The following EPHA4 variants were observed in gnomAD, a reference collection of about 807,000 sequenced individuals.
The protein encoded by EPHA4 is ephrin type-A receptor 4.
EPHA4 carries 19 observed loss-of-function variants against 108.3 expected under a neutral mutation model. The ratio of observed to expected loss-of-function variants is 0.18; its 90% confidence interval spans 0.12 to 0.26. EPHA4 has a LOEUF of 0.26. Ranked by LOEUF, EPHA4 falls within the 10% of genes least tolerant of loss-of-function variation. The pLI is 1.00. For synonymous variants in EPHA4, 449 were observed against 455.5 expected (o/e 0.99, Z 0.18); for missense variants, 917 against 1,254.0 (o/e 0.73, Z 4.06).
chr2:221,499,184 A>G (rs1258797405), intron 4 of EPHA4, among the ~76,000 whole-genome samples: 1 of 150,142 alleles, frequency 6.7e-6, no homozygotes, highest in Non-Finnish European at 1.5e-5. Context: ...AATCTCCCAG[A>G]TTCTCTATAA....
chr2:221,569,983 C>G (rs1028735218), intron 1 of EPHA4, among the ~76,000 whole-genome samples: 7 of 152,022 alleles, frequency 4.6e-5, no homozygotes, highest in Non-Finnish European at 7.4e-5. Flanking sequence ...GTTCCCGCCC[C>G]CTTCCCTCCT....
At chr2:221,477,080 A>G (rs769874576) in intron 5 of EPHA4, among the ~76,000 whole-genome samples, 7 of 151,318 alleles carry the variant, frequency 4.6e-5, no homozygotes, top group Non-Finnish European at 1.0e-4. Flanking sequence ...ATTATTTTGC[A>G]GTTAATGCTT....
intron 3 of EPHA4, among the ~76,000 whole-genome samples, chr2:221,535,288 A>G (rs1693633840): frequency 6.6e-6 from 1 of 152,214 alleles, no homozygotes; most frequent in Admixed American, 6.5e-5. Context: ...TTGAGGATTG[A>G]TGTTAAAAGT....
intron 4 of EPHA4, among the ~76,000 whole-genome samples, chr2:221,495,334 T>C (rs921038030): frequency 6.6e-6 from 1 of 152,152 alleles, no homozygotes; most frequent in Non-Finnish European, 1.5e-5. Context: ...CAGAATCTCC[T>C]GTCTCCTGAC....
chr2:221,538,122 G>C (rs1439451195), intron 3 of EPHA4, among the ~76,000 whole-genome samples: 1 of 152,210 alleles, frequency 6.6e-6, no homozygotes, highest in East Asian at 1.9e-4. Context: ...TGAACGAAGA[G>C]TCTAAAACGT....
At chr2:221,462,968 G>A (rs1691195076) in intron 5 of EPHA4, among the ~76,000 whole-genome samples, 1 of 152,154 alleles carries the variant, frequency 6.6e-6, no homozygotes, top group Admixed American at 6.6e-5. Flanking sequence ...GAGTGATGGT[G>A]AGACTCCCAA....
At chr2:221,506,854 T>G (rs1478512150) in intron 3 of EPHA4, among the ~76,000 whole-genome samples, 1 of 152,194 alleles carries the variant, frequency 6.6e-6, no homozygotes, top group Admixed American at 6.5e-5. Flanking sequence ...TTACAATTAT[T>G]TTTTTAGTGA....
chr2:221,537,190 C>G (rs1267158093), intron 3 of EPHA4, among the ~76,000 whole-genome samples: 1 of 152,222 alleles, frequency 6.6e-6, no homozygotes, highest in African/African-American at 2.4e-5. Flanking sequence ...AAAGCCTTCT[C>G]TCATGGAAGT....
intron 5 of EPHA4, among the ~76,000 whole-genome samples, chr2:221,477,608 T>TC (rs1213869076): frequency 3.9e-5 from 6 of 152,062 alleles, no homozygotes; most frequent in South Asian, 4.2e-4. Context: ...CTTACTGTTT[T>TC]CCCCCCGCAA....
At chr2:221,430,789 T>A (rs997356562) in intron 14 of EPHA4, among the ~76,000 whole-genome samples, 1 of 152,176 alleles carries the variant, frequency 6.6e-6, no homozygotes, top group Non-Finnish European at 1.5e-5. Context: ...TAAGTAGATT[T>A]TTTTTAAAAA....
intron 5 of EPHA4, among the ~76,000 whole-genome samples, chr2:221,469,854 C>T (rs1574589361): frequency 6.6e-6 from 1 of 152,138 alleles, no homozygotes; most frequent in African/African-American, 2.4e-5. Context: ...ATCCAATTCT[C>T]CATCAGATAT....
At chr2:221,559,689 C>T (rs893820416) in intron 3 of EPHA4, among the ~76,000 whole-genome samples, 8 of 152,176 alleles carry the variant, frequency 5.3e-5, no homozygotes, top group African/African-American at 1.7e-4. Flanking sequence ...TATGTCTGTC[C>T]GGAAGGAGAT....
intron 3 of EPHA4, among the ~76,000 whole-genome samples, chr2:221,539,039 A>G (rs1693755654): frequency 6.6e-6 from 1 of 152,112 alleles, no homozygotes; most frequent in Admixed American, 6.5e-5. Context: ...AGAGTATCCA[A>G]CTGAAGGGGA....
intron 3 of EPHA4, among the ~76,000 whole-genome samples, chr2:221,507,137 G>T (rs1401122909): frequency 6.6e-6 from 1 of 152,150 alleles, no homozygotes; most frequent in Non-Finnish European, 1.5e-5. Context: ...TTTTTGAGAT[G>T]AATAACTTGT....
chr2:221,520,052 C>T (rs937543037), intron 3 of EPHA4, among the ~76,000 whole-genome samples: 2 of 152,050 alleles, frequency 1.3e-5, no homozygotes, highest in African/African-American at 4.8e-5. Flanking sequence ...TTTAAACACC[C>T]ATTTTGTGTA....
intron 15 of EPHA4, among the ~76,000 whole-genome samples, chr2:221,428,087 C>T (rs1689964967): frequency 6.6e-6 from 1 of 152,088 alleles, no homozygotes; most frequent in South Asian, 2.1e-4. Context: ...GAATTTTGGA[C>T]ATTTAATTGA....
rs1298924106 is a variant in EPHA4 at position 221,420,228 on chromosome 2, A to G, written c.*1144T>C. The G allele has an allele frequency of 6.7e-6, 1 of 150,210 alleles. No individual in the cohort carries two copies. Among genetic ancestry groups the G allele is most frequent in the African/African-American group, 2.5e-5 (1 of 40,216 alleles). The allele number at this position is 150,210 out of a possible 1,614,324, so 9.3% of individuals were successfully genotyped here. ...ACACAGGAATGAAATATGGAAATAC[A>G]TATAAATAAAACCGCAAAGAGTCTG... On this transcript the variant is annotated 3_prime_UTR_variant, in exon 18 of 18. Coordinates refer to ENST00000281821, the MANE Select transcript of EPHA4 (RefSeq NM_004438.5).
chr2:221,437,300 G>A (rs187390039), intron 11 of EPHA4, 178 bp from the exon 12 acceptor site: 86 of 514,576 alleles, frequency 1.7e-4, no homozygotes, highest in African/African-American at 1.4e-3. Flanking sequence ...TTAAAAGGAC[G>A]AGTAGGTTTA....
intron 3 of EPHA4, among the ~76,000 whole-genome samples, chr2:221,513,712 T>C (rs574378955): frequency 6.6e-6 from 1 of 152,348 alleles, no homozygotes; most frequent in South Asian, 2.1e-4. Flanking sequence ...TTAAAAAGTG[T>C]TTTATATTTA....
Sources: gnomAD v4.1 joint callset for allele counts (sites outside exome capture counted in the v4.1 genomes callset) on GRCh38, gnomAD v4.1.1 for gene constraint, MANE v1.5 for transcripts, NCBI Gene and HGNC (gene_info 2026-07-23, HGNC 2026-07-21) for gene names.